Variants in PID1 observed in about 807,000 individuals in gnomAD.
PID1 encodes PTB-containing, cubilin and LRP1-interacting protein.
In PID1, 10 loss-of-function variants were observed where a neutral mutation model predicts 19.1. That is an observed-to-expected ratio of 0.52 (90% CI 0.32 to 0.89). PID1 has a LOEUF of 0.89. PID1 is among the 40% of genes least tolerant of loss of function. The pLI is 0.03. For missense variants in PID1, 248 were observed against 285.3 expected (o/e 0.87, Z 0.94); for synonymous variants, 130 against 116.0 (o/e 1.12, Z -0.78).
At chr2:229,074,659 A>C (rs1694522420) in intron 2 of PID1, among the ~76,000 whole-genome samples, 1 of 152,206 alleles carries the variant, frequency 6.6e-6, no homozygotes, top group Admixed American at 6.5e-5. Context: ...ATATTTAAAT[A>C]GTTTAGGTAG....
chr2:229,140,789 A>G (rs4140748), intron 2 of PID1, among the ~76,000 whole-genome samples: 59,419 of 151,868 alleles, frequency 0.39, 11,820 homozygotes, highest in South Asian at 0.57. Context: ...TAAAATAGTC[A>G]TAATAAACCC....
intron 2 of PID1, among the ~76,000 whole-genome samples, chr2:229,036,953 T>C (rs1693677056): frequency 6.6e-6 from 1 of 152,216 alleles, no homozygotes; most frequent in Admixed American, 6.5e-5. Context: ...TCCTCTGACT[T>C]TAACAGTCTG....
At chr2:229,123,250 C>G (rs529249491) in intron 2 of PID1, among the ~76,000 whole-genome samples, 1 of 152,256 alleles carries the variant, frequency 6.6e-6, no homozygotes, top group African/African-American at 2.4e-5. Context: ...TTCAGGGATA[C>G]TTCAGGTAAA....
At chr2:229,213,983 A>T (rs1691792023) in intron 1 of PID1, among the ~76,000 whole-genome samples, 1 of 152,256 alleles carries the variant, frequency 6.6e-6, no homozygotes, top group African/African-American at 2.4e-5. Context: ...CTTCCCTGTT[A>T]TCCCATTCAG....
intron 2 of PID1, among the ~76,000 whole-genome samples, chr2:229,038,132 G>C (rs1693700538): frequency 6.6e-6 from 1 of 152,174 alleles, no homozygotes; most frequent in African/African-American, 2.4e-5. Context: ...TAAGCAACCA[G>C]TGGAGATTTG....
At chr2:229,109,656 T>G (rs574313114) in intron 2 of PID1, among the ~76,000 whole-genome samples, 2 of 152,344 alleles carry the variant, frequency 1.3e-5, no homozygotes, top group African/African-American at 4.8e-5. Flanking sequence ...ACTGAGATAT[T>G]GTCTACTTTT....
At chr2:229,092,194 T>C (rs764654046) in intron 2 of PID1, among the ~76,000 whole-genome samples, 3 of 151,192 alleles carry the variant, frequency 2.0e-5, no homozygotes, top group Non-Finnish European at 4.4e-5. Flanking sequence ...TTTAGCTCAG[T>C]TCAATCTTTA....
intron 2 of PID1, among the ~76,000 whole-genome samples, chr2:229,048,854 A>G (rs1043993708): frequency 2.0e-5 from 3 of 152,300 alleles, no homozygotes; most frequent in East Asian, 3.9e-4. Flanking sequence ...CGCAAAATCA[A>G]TATTGCAATA....
intron 2 of PID1, among the ~76,000 whole-genome samples, chr2:229,113,593 T>C (rs887624): frequency 0.69 from 101,066 of 146,266 alleles, 34,840 homozygotes; most frequent in East Asian, 0.79. Context: ...TGTGTATGCA[T>C]ATATGTGTGT....
chr2:229,117,661 C>G (rs1346662214), intron 2 of PID1, among the ~76,000 whole-genome samples: 2 of 152,136 alleles, frequency 1.3e-5, no homozygotes, highest in Admixed American at 6.5e-5. Flanking sequence ...ACTCCTCTTC[C>G]TATCCCCTTT....
intron 2 of PID1, among the ~76,000 whole-genome samples, chr2:229,068,665 G>T (rs1231016331): frequency 1.3e-5 from 2 of 152,138 alleles, no homozygotes; most frequent in African/African-American, 2.4e-5. Flanking sequence ...TGAAGGCTGG[G>T]CTAGTCCACA....
rs574014442 is a variant in PID1 at position 229,252,989 on chromosome 2, T to G, written c.30+18025A>C. Among the ~76,000 whole-genome samples, 189 of 152,264 alleles carry G rather than the reference T, an allele frequency of 1.2e-3. 1 individual carries two copies. The highest frequency in any genetic ancestry group is 1.2e-3 in the Non-Finnish European group (81 of 68,014). ...TTGAAGATTTCTGCCTTGTGTTAAA[T>G]CAAAGTAGCAAAGCAGGTCTTGAAA... On this transcript the variant is annotated intron_variant, in intron 1 of 2. Transcript: ENST00000392055.
intron 1 of PID1, among the ~76,000 whole-genome samples, chr2:229,264,983 C>T (rs1690554859): frequency 6.6e-6 from 1 of 152,194 alleles, no homozygotes; most frequent in African/African-American, 2.4e-5. Context: ...GTTTATTGAG[C>T]ACCTACTATA....
chr2:229,064,575 A>G (rs914608506), intron 2 of PID1, among the ~76,000 whole-genome samples: 12 of 152,170 alleles, frequency 7.9e-5, no homozygotes, highest in African/African-American at 2.7e-4. Context: ...TAATTGTCCC[A>G]AGAATTCATT....
At chr2:229,268,078 G>A (rs952280258) in intron 1 of PID1, among the ~76,000 whole-genome samples, 21 of 152,146 alleles carry the variant, frequency 1.4e-4, no homozygotes, top group African/African-American at 3.4e-4. Context: ...GCGAGGGCTC[G>A]AGTGGGATGC....
chr2:229,052,684 C>T (rs139777409), intron 2 of PID1, among the ~76,000 whole-genome samples: 105 of 150,550 alleles, frequency 7.0e-4, no homozygotes, highest in African/African-American at 2.4e-3. Context: ...CTAATTTGAC[C>T]GGTGGGAAAT....
chr2:229,071,458 G>A (rs1433252217), intron 2 of PID1, among the ~76,000 whole-genome samples: 2 of 152,168 alleles, frequency 1.3e-5, no homozygotes, highest in African/African-American at 2.4e-5. Context: ...GACTCTGCAC[G>A]CATTATGTCA....
chr2:229,043,907 G>A (rs1260468520), intron 2 of PID1, among the ~76,000 whole-genome samples: 3 of 152,126 alleles, frequency 2.0e-5, no homozygotes, highest in African/African-American at 7.2e-5. Context: ...GGCCAGCCAA[G>A]GAAGAGCAAG....
At chr2:229,055,011 G>A (rs1002882000) in intron 2 of PID1, among the ~76,000 whole-genome samples, 1 of 152,138 alleles carries the variant, frequency 6.6e-6, no homozygotes, top group African/African-American at 2.4e-5. Flanking sequence ...GTCAGCATCC[G>A]TGCAAATGAA....
Sources: allele counts gnomAD v4.1 joint callset (sites outside exome capture counted in the v4.1 genomes callset), GRCh38; gene constraint gnomAD v4.1.1; transcripts MANE v1.5; gene names NCBI Gene and HGNC (gene_info 2026-07-23, HGNC 2026-07-21).